The following AKAP6 variants were observed in gnomAD, a reference collection of about 807,000 sequenced individuals.
AKAP6 encodes A-kinase anchor protein 6.
In AKAP6, 58 loss-of-function variants were observed where a neutral mutation model predicts 188.5. The ratio of observed to expected loss-of-function variants is 0.31; its 90% CI spans 0.25 to 0.38. The LOEUF (loss-of-function observed/expected upper bound fraction) is 0.38, where lower values mean the gene tolerates loss of function less well. Ranked by LOEUF, AKAP6 falls within the 10% of genes least tolerant of loss-of-function variation. The probability of loss-of-function intolerance (pLI) is 1.00; values close to 1 mark genes in which losing one functional copy is unlikely to be tolerated. For missense variants in AKAP6, 2,710 were observed against 2,740.0 expected (o/e 0.99, Z 0.24); for synonymous variants, 989 against 998.6 (o/e 0.99, Z 0.18).
intron 8 of AKAP6, among the ~76,000 whole-genome samples, chr14:32,694,447 A>G (rs1462048240): frequency 6.6e-6 from 1 of 152,112 alleles, no homozygotes; most frequent in Non-Finnish European, 1.5e-5. Flanking sequence ...GCCCCACCCT[A>G]GAACAGTTAC....
intron 11 of AKAP6, among the ~76,000 whole-genome samples, chr14:32,743,953 G>A (rs1460549357): frequency 1.3e-5 from 2 of 152,200 alleles, no homozygotes; most frequent in Non-Finnish European, 2.9e-5. Context: ...AGGATTTCTT[G>A]TAGGACAGGT....
At chr14:32,354,915 T>G (rs1429460791) in intron 1 of AKAP6, among the ~76,000 whole-genome samples, 1 of 152,204 alleles carries the variant, frequency 6.6e-6, no homozygotes, top group African/African-American at 2.4e-5. Context: ...TGTAACTAAC[T>G]GTCAGTTCAG....
At chr14:32,401,640 C>T (rs1382077406) in intron 1 of AKAP6, among the ~76,000 whole-genome samples, 2 of 152,168 alleles carry the variant, frequency 1.3e-5, no homozygotes, top group Non-Finnish European at 2.9e-5. Flanking sequence ...TACAGGAAGT[C>T]GTCTTCCTTA....
intron 1 of AKAP6, among the ~76,000 whole-genome samples, chr14:32,387,097 G>A (rs748196347): frequency 4.0e-5 from 6 of 151,880 alleles, no homozygotes; most frequent in East Asian, 1.9e-4. Context: ...CAGCTTGGTC[G>A]CTGTTGGTGT....
At position 32,819,959 on chromosome 14, in the gene AKAP6, C is replaced by CAT. The variant is rs568735899; in HGVS notation, c.3589-1430_3589-1429dup. Among the ~76,000 whole-genome samples, 625 of 150,936 alleles carry CAT rather than the reference C, an allele frequency of 4.1e-3. 2 individuals are homozygous for CAT. The highest frequency in any genetic ancestry group is 6.2e-3 in the East Asian group (32 of 5,130). The stretch of plus-strand genomic sequence containing the variant: ...CAAGACTGTGTCAAAAAAAGAAATA[C>CAT]ATATATATATATATGTATGGCCACC... On this transcript the variant is annotated intron_variant, in intron 12 of 13. Coordinates refer to ENST00000280979, the MANE Select transcript of AKAP6 (RefSeq NM_004274.5).
intron 1 of AKAP6, among the ~76,000 whole-genome samples, chr14:32,331,513 C>T (rs111313790): frequency 5.3e-5 from 8 of 152,168 alleles, no homozygotes; most frequent in African/African-American, 1.4e-4. Context: ...TGCTTTTGTG[C>T]TCTTTTTGCT....
intron 2 of AKAP6, among the ~76,000 whole-genome samples, chr14:32,479,075 T>G (rs1393763876): frequency 6.6e-6 from 1 of 152,218 alleles, no homozygotes; most frequent in East Asian, 1.9e-4. Context: ...CTTAGGAACA[T>G]GTGACTTATA....
At chr14:32,758,882 C>G (rs995219538) in intron 11 of AKAP6, among the ~76,000 whole-genome samples, 1 of 152,202 alleles carries the variant, frequency 6.6e-6, no homozygotes, top group Admixed American at 6.5e-5. Context: ...GGCATTGGAA[C>G]TCAGAGATTT....
At chr14:32,448,431 T>C (rs1890830042) in intron 2 of AKAP6, among the ~76,000 whole-genome samples, 1 of 152,226 alleles carries the variant, frequency 6.6e-6, no homozygotes. Context: ...ACCTATCCTT[T>C]ATGCTTTGTT....
intron 9 of AKAP6, among the ~76,000 whole-genome samples, chr14:32,732,002 A>C (rs953981896): frequency 2.6e-5 from 4 of 152,098 alleles, no homozygotes; most frequent in Non-Finnish European, 5.9e-5. Context: ...AAGAAAATGA[A>C]AACAAAATGT....
chr14:32,369,710 A>G (rs1352340797), intron 1 of AKAP6, among the ~76,000 whole-genome samples: 3 of 152,198 alleles, frequency 2.0e-5, no homozygotes, highest in African/African-American at 7.2e-5. Context: ...CTCCAAATAT[A>G]AATAATAGTT....
At chr14:32,535,509 A>G (rs1228283323) in intron 2 of AKAP6, 45 bp from the exon 3 acceptor site, 1 of 1,580,880 alleles carries the variant, frequency 6.3e-7, no homozygotes, top group Admixed American at 1.7e-5. Flanking sequence ...TCCCTCCAGG[A>G]TAAGGCAAAG....
At chr14:32,490,153 A>AG (rs1339129965) in intron 2 of AKAP6, among the ~76,000 whole-genome samples, 1 of 74,730 alleles carries the variant, frequency 1.3e-5, no homozygotes, top group Non-Finnish European at 2.2e-5. Flanking sequence ...AGGATAGGGC[A>AG]GAACAAATCA....
chr14:32,689,832 C>A (rs940270502), intron 8 of AKAP6, among the ~76,000 whole-genome samples: 8 of 151,970 alleles, frequency 5.3e-5, no homozygotes, highest in African/African-American at 1.9e-4. Context: ...TTTGTTACCA[C>A]TCCTTTACGT....
Position 32,695,652 on chromosome 14 carries a change from G to A in AKAP6, c.2880-338G>A, listed in dbSNP as rs565551841. On this transcript the variant is annotated intron_variant, in intron 8 of 13. Transcript: ENST00000280979. ...CAAGTCACTGACTCTCTATTTCTCA[G>A]TCTATTAAATGGCAGTGCTCTTTTT... Among the ~76,000 whole-genome samples the A allele has an allele frequency of 2.0e-5, 3 of 152,250 alleles. No homozygotes were observed. The South Asian group carries it at 6.2e-4, about 32-fold the overall frequency.
intron 1 of AKAP6, among the ~76,000 whole-genome samples, chr14:32,390,961 G>A (rs542196649): frequency 5.9e-5 from 9 of 152,040 alleles, no homozygotes; most frequent in Non-Finnish European, 1.0e-4. Flanking sequence ...TTTTTTAAAC[G>A]TTGCATTTGC....
chr14:32,696,495 T>A (rs893534523), intron 9 of AKAP6, among the ~76,000 whole-genome samples: 2 of 152,174 alleles, frequency 1.3e-5, no homozygotes, highest in African/African-American at 4.8e-5. Flanking sequence ...ACCCCTCAGA[T>A]CTTCCCAGGG....
rs2034541256 is a variant in AKAP6 at position 32,822,136 on chromosome 14, A to C, written c.4323A>C (p.Gly1441=). 6.8e-6 allele frequency: 11 copies of C among 1,613,764 alleles called. 1 individual carries two copies. The highest frequency in any genetic ancestry group is 9.3e-6 in the Non-Finnish European group (11 of 1,179,936). The change falls in exon 13 of 14, where the codon GGA becomes GGC. Residue 1441 remains glycine, a synonymous_variant. Coordinates refer to ENST00000280979, the MANE Select transcript of AKAP6 (RefSeq NM_004274.5). ...TGGGTTGTGTAAATGGAAAAGTTGG[A>C]GATTTAAACAGTATTACCAAACATA... ...SPVGCVNGKV[G]DLNSITKHTP... is the part of the protein sequence containing the mutation.
At chr14:32,772,626 G>A (rs986624880) in intron 11 of AKAP6, among the ~76,000 whole-genome samples, 2 of 152,108 alleles carry the variant, frequency 1.3e-5, no homozygotes, top group African/African-American at 4.8e-5. Context: ...GCACATTTCA[G>A]CGCACCACAC....
Sources: gnomAD v4.1 joint callset for allele counts (sites outside exome capture counted in the v4.1 genomes callset) on GRCh38, gnomAD v4.1.1 for gene constraint, MANE v1.5 for transcripts, NCBI Gene and HGNC (gene_info 2026-07-23, HGNC 2026-07-21) for gene names.